CIZ1: variants seen among roughly 807,000 people sequenced by gnomAD.
CIZ1 encodes the protein cip1-interacting zinc finger protein.
A neutral mutation model predicts 118.6 loss-of-function variants in CIZ1; 58 were observed. The ratio of observed to expected loss-of-function variants is 0.49; its 90% CI spans 0.40 to 0.61. CIZ1 has a LOEUF of 0.61. Ranked by LOEUF, CIZ1 falls within the 20% of genes least tolerant of loss-of-function variation. The probability of loss-of-function intolerance (pLI) is 0.00; values close to 1 mark genes in which losing one functional copy is unlikely to be tolerated. For synonymous variants in CIZ1, 448 were observed against 443.4 expected, an observed-to-expected ratio of 1.01 and a Z score of -0.13; for missense variants, 921 against 1,115.9, an observed-to-expected ratio of 0.83 and a Z score of 2.49.
At chr9:128,178,082 C>T (rs1454093933) in intron 9 of CIZ1, among the ~76,000 whole-genome samples, 1 of 152,144 alleles carries the variant, frequency 6.6e-6, no homozygotes, top group African/African-American at 2.4e-5. Flanking sequence ...ACTCTGTGCT[C>T]TCTCCACGAG....
rs141463590 is a variant in CIZ1 at position 128,176,449 on chromosome 9, A to T, written c.1845T>A (p.Pro615=). 9.5e-5 allele frequency: 154 copies of T among 1,613,640 alleles called. No individual in the cohort carries two copies. The highest frequency in any genetic ancestry group is 1.2e-4 in the Non-Finnish European group (143 of 1,179,946). The part of the protein sequence containing the change: ...QQEFQDHMSE[P]QHQQRLGEIQ... ...TCTCCCCTAGCCGCTGCTGGTGCTGAGGCTCCGACATGTGGTCCTGGAACT... is the reference window on the plus strand; with the variant it reads ...TCTCCCCTAGCCGCTGCTGGTGCTGTGGCTCCGACATGTGGTCCTGGAACT... Residue 615 remains proline (P), a synonymous_variant, in exon 11 of 17, where the codon CCT becomes CCA. Transcript: ENST00000372938.
intron 3 of CIZ1, 119 bp downstream of exon 3, chr9:128,190,210 C>G: frequency 5.7e-6 from 4 of 707,710 alleles, no homozygotes; most frequent in Non-Finnish European, 9.9e-6. Context: ...CATGAGTGAA[C>G]TAGGATGCCA....
Position 128,191,320 on chromosome 9 carries a change from G to T in CIZ1, c.-6+112C>A. The T allele has an allele frequency of 6.8e-6, 2 of 294,670 alleles. No homozygotes were observed. The highest frequency in any genetic ancestry group is 1.0e-5 in the Non-Finnish European group (2 of 194,550). The allele number at this position is 294,670 out of a possible 1,614,324, so 18.3% of individuals were successfully genotyped here. On this transcript the variant is annotated intron_variant, in intron 1 of 16. Coordinates refer to ENST00000372938, the MANE Select transcript of CIZ1 (RefSeq NM_001131016.2). This position sits in a 1 kb window ranked among gnomAD's most constrained non-coding sequence, Gnocchi z 5.5. ...CGTGGGACGGCTTCTCTCCACCACC[G>T]CCACCTCCTCGCGCCCCACTCCGCC...
At chr9:128,183,431 GCGGGGC>G (rs1307241996) in intron 5 of CIZ1, among the ~76,000 whole-genome samples, 1 of 152,212 alleles carries the variant, frequency 6.6e-6, no homozygotes, top group Non-Finnish European at 1.5e-5. Flanking sequence ...AAGGCTGGAG[GCGGGGC>G]CCCTCGCTGA....
chr9:128,192,605 C>T (rs1271530311), upstream of CIZ1, among the ~76,000 whole-genome samples: 5 of 152,236 alleles, frequency 3.3e-5, no homozygotes, highest in South Asian at 1.0e-3. Context: ...TGCAGTGGCA[C>T]GATCTGGGCT....
At chr9:128,178,597 T>G in intron 8 of CIZ1, 107 bp from the exon 9 acceptor site, 2 of 1,587,578 alleles carry the variant, frequency 1.3e-6, no homozygotes, top group South Asian at 1.1e-5. Flanking sequence ...GCCCTGGACC[T>G]GGGTTCCAGG....
At chr9:128,181,036 G>T (rs1831534671) in intron 5 of CIZ1, among the ~76,000 whole-genome samples, 1 of 152,158 alleles carries the variant, frequency 6.6e-6, no homozygotes, top group South Asian at 2.1e-4. Context: ...CCCAGGTTTG[G>T]AGGACACAAA....
chr9:128,185,530 C>T lies in CIZ1; in HGVS notation c.588+17G>A. On this transcript the variant is annotated intron_variant, in intron 5 of 16. Transcript: ENST00000372938. ...AGGGTCCCCTCCCGCCCACTCCCAT[C>T]CCCACCTACCACTCACCTTTCGATT... 2 of 1,032,788 alleles carry T rather than the reference C, an allele frequency of 1.9e-6. No homozygotes were observed. The highest frequency in any genetic ancestry group is 1.7e-5 in the African/African-American group (1 of 60,430). 64.0% of individuals were successfully genotyped at this position (1,032,788 alleles called of 1,614,324 possible). A position where few individuals can be genotyped will look rare whatever the true frequency, so the allele number is the denominator to read the frequency against.
At chr9:128,192,414 AG>A (rs1194276752), upstream of CIZ1, among the ~76,000 whole-genome samples, 3 of 151,772 alleles carry the variant, frequency 2.0e-5, no homozygotes, top group African/African-American at 7.3e-5. Context: ...AGGAAAACAG[AG>A]CCCTGCTCCC....
At chr9:128,169,634 C>A in intron 12 of CIZ1, 115 bp from the exon 13 acceptor site, 1 of 1,549,686 alleles carries the variant, frequency 6.5e-7, no homozygotes, top group South Asian at 1.2e-5. Context: ...ATATCTGTAA[C>A]AAGCCGGGCT....
At chr9:128,177,036 C>T (rs1830947402) in intron 10 of CIZ1, among the ~76,000 whole-genome samples, 1 of 152,150 alleles carries the variant, frequency 6.6e-6, no homozygotes, top group South Asian at 2.1e-4. Context: ...TCCTGAGTAG[C>T]TGGGATTACA....
chr9:128,170,551 A>G (rs1311161749), intron 11 of CIZ1, among the ~76,000 whole-genome samples: 2 of 152,178 alleles, frequency 1.3e-5, no homozygotes, highest in Non-Finnish European at 2.9e-5. Flanking sequence ...GGTACTCAGG[A>G]GGCTGGGGTG....
At chr9:128,172,550 T>A (rs767972694) in intron 11 of CIZ1, among the ~76,000 whole-genome samples, 4 of 152,124 alleles carry the variant, frequency 2.6e-5, no homozygotes, top group Admixed American at 6.6e-5. Flanking sequence ...CTATAAAATA[T>A]GCAAATACAC....
intron 11 of CIZ1, among the ~76,000 whole-genome samples, chr9:128,173,852 A>T (rs2130928510): frequency 6.6e-6 from 1 of 152,070 alleles, no homozygotes; most frequent in South Asian, 2.1e-4. Flanking sequence ...TAAAAATACA[A>T]AAAATTAGCC....
intron 10 of CIZ1, among the ~76,000 whole-genome samples, chr9:128,177,078 C>T (rs777986226): frequency 6.6e-5 from 10 of 152,168 alleles, no homozygotes; most frequent in African/African-American, 2.2e-4. Flanking sequence ...TTAGTAGAGA[C>T]GGGGTTTCAC....
At position 128,181,773 on chromosome 9, in the gene CIZ1, G is replaced by T. The variant is rs893864005; in HGVS notation, c.589-959C>A. Among the ~76,000 whole-genome samples the T allele has an allele frequency of 3.5e-3, 538 of 151,762 alleles. 16 individuals carry two copies. Among genetic ancestry groups the T allele is most frequent in the Non-Finnish European group, 4.6e-3 (309 of 67,888 alleles). On this transcript the variant is annotated intron_variant, in intron 5 of 16. Coordinates refer to ENST00000372938, the MANE Select transcript of CIZ1 (RefSeq NM_001131016.2). ...AGCAGACCAGGAAAGGCGGGGGGGG[G>T]GGGGGGGTCTCCCTTTCCCCGAGGG...
intron 5 of CIZ1, among the ~76,000 whole-genome samples, chr9:128,182,640 T>C (rs1831821512): frequency 6.6e-6 from 1 of 152,176 alleles, no homozygotes; most frequent in African/African-American, 2.4e-5. Context: ...TCTCTGCTTA[T>C]CTACCTTGGC....
Position 128,167,075 on chromosome 9 carries a change from G to A in CIZ1, c.2365+20C>T. 1.3e-6 allele frequency: 2 copies of A among 1,588,582 alleles called. No homozygotes were observed. Among genetic ancestry groups the A allele is most frequent in the Non-Finnish European group, 1.7e-6 (2 of 1,166,118 alleles). ...CAAGGGCTGAAGCTCCTGCAGGTGG[G>A]CTCAGAGCTGGGGCCTTACCATATG... On this transcript the variant is annotated intron_variant, in intron 15 of 16. Coordinates refer to ENST00000372938, the MANE Select transcript of CIZ1 (RefSeq NM_001131016.2).
chr9:128,200,395 C>T lies in CIZ1; in HGVS notation c.-6+3791G>A, dbSNP rs1331433547. ...TAAAAGCTGGCTGGGCATGGTGGCT[C>T]ACAGCTATAATCCCAGCATTTTGGG... On this transcript the variant is annotated intron_variant, in intron 1 of 17. Coordinates refer to the CIZ1 transcript ENST00000372948. 4.6e-5 allele frequency among the ~76,000 whole-genome samples: 7 copies of T among 151,844 alleles called. 1 individual carries two copies. Among genetic ancestry groups the T allele is most frequent in the African/African-American group, 1.7e-4 (7 of 41,236 alleles).
Sources: allele counts gnomAD v4.1 joint callset (sites outside exome capture counted in the v4.1 genomes callset), GRCh38; gene constraint gnomAD v4.1.1; non-coding constraint Gnocchi (gnomAD v3.1); transcripts MANE v1.5; gene names NCBI Gene and HGNC (gene_info 2026-07-23, HGNC 2026-07-21).